SMUG1: variants seen among roughly 807,000 people sequenced by gnomAD.
The protein encoded by SMUG1 is single-strand selective monofunctional uracil DNA glycosylase.
A neutral mutation model predicts 23.9 loss-of-function variants in SMUG1; 13 were observed. That is an observed-to-expected ratio of 0.54 (90% confidence interval 0.35 to 0.86). The LOEUF (loss-of-function observed/expected upper bound fraction) is 0.86. SMUG1 is among the 40% of genes least tolerant of loss of function. The pLI is 0.01. For missense variants in SMUG1, 313 were observed against 339.5 expected, an observed-to-expected ratio of 0.92 and a Z score of 0.61; for synonymous variants, 133 against 139.8, an observed-to-expected ratio of 0.95 and a Z score of 0.34.
At chr12:54,166,577 C>T (rs925725136) in intron 3 of SMUG1, among the ~76,000 whole-genome samples, 2 of 152,130 alleles carry the variant, frequency 1.3e-5, no homozygotes, top group Non-Finnish European at 2.9e-5. Flanking sequence ...TCTAGCCCTC[C>T]GTGTGATGCT....
chr12:54,186,576 A>T (rs968232902), intron 2 of SMUG1, among the ~76,000 whole-genome samples: 2 of 151,772 alleles, frequency 1.3e-5, no homozygotes, highest in African/African-American at 4.9e-5. Flanking sequence ...TCCTGACCTC[A>T]TGATCTGCCT....
chr12:54,179,408 G>C (rs999699274), downstream of SMUG1, among the ~76,000 whole-genome samples: 1 of 152,106 alleles, frequency 6.6e-6, no homozygotes, highest in Non-Finnish European at 1.5e-5. Context: ...CCTCCAGAGA[G>C]CTTTCCATTA....
At chr12:54,159,847 C>A (rs760863446), downstream of SMUG1, among the ~76,000 whole-genome samples, 2 of 152,234 alleles carry the variant, frequency 1.3e-5, no homozygotes, top group Non-Finnish European at 2.9e-5. Flanking sequence ...GAGCATCAGC[C>A]AGGGCGCAGC....
At chr12:54,176,143 T>A (rs964916890), downstream of SMUG1, among the ~76,000 whole-genome samples, 7 of 151,536 alleles carry the variant, frequency 4.6e-5, no homozygotes, top group African/African-American at 1.7e-4. Context: ...GGAGAATCGC[T>A]TGAACCCGGG....
rs1336749817 is a variant in SMUG1 at position 54,181,784 on chromosome 12, C to T, written c.*312G>A. 4.9e-6 allele frequency: 7 copies of T among 1,439,206 alleles called. No homozygotes were observed. The African/African-American group carries it at 7.2e-5, about 15-fold the overall frequency. 89.2% of individuals were successfully genotyped at this position (1,439,206 alleles called of 1,614,324 possible). A position where few individuals can be genotyped will look rare whatever the true frequency, so the allele number is the denominator to read the frequency against. On this transcript the variant is annotated 3_prime_UTR_variant, in exon 4 of 4. Transcript: ENST00000682136. ...GCACTCTCAGCTGAATAAAGTCTCC[C>T]AAGGAAACACTGAGGTAGAGCAGTC...
intron 4 of SMUG1, chr12:54,165,318 A>G (rs1940417666): frequency 6.6e-6 from 1 of 152,146 alleles, no homozygotes; most frequent in Admixed American, 6.5e-5. Context: ...AAATACAACA[A>G]TGTCTTCAGA....
chr12:54,185,386 T>C (rs1942096275), intron 2 of SMUG1, among the ~76,000 whole-genome samples: 1 of 150,704 alleles, frequency 6.6e-6, no homozygotes, highest in Non-Finnish European at 1.5e-5. Flanking sequence ...GAGAACTGCC[T>C]GAACCCGGGA....
At chr12:54,185,169 A>G (rs1354077799) in intron 2 of SMUG1, among the ~76,000 whole-genome samples, 1 of 152,156 alleles carries the variant, frequency 6.6e-6, no homozygotes, top group African/African-American at 2.4e-5. Flanking sequence ...TTAGTCAGGC[A>G]TGGTGGTACG....
At chr12:54,159,422 G>A (rs1479776314) in intron 4 of SMUG1, among the ~76,000 whole-genome samples, 1 of 152,016 alleles carries the variant, frequency 6.6e-6, no homozygotes, top group East Asian at 1.9e-4. Flanking sequence ...GGGCTGTCGG[G>A]GACAACCTGA....
At chr12:54,158,365 C>T (rs1478278987) in intron 4 of SMUG1, among the ~76,000 whole-genome samples, 1 of 152,176 alleles carries the variant, frequency 6.6e-6, no homozygotes, top group Non-Finnish European at 1.5e-5. Flanking sequence ...TGTGCCCAAC[C>T]CTTCCCTACT....
rs1041557623 is a variant in SMUG1 at position 54,172,223 on chromosome 12, G to C, written c.399-114C>G. 3 of 414,892 alleles carry C rather than the reference G, an allele frequency of 7.2e-6. No individual in the cohort carries two copies. In the East Asian group the frequency reaches 2.2e-4, roughly 31 times the overall value. The allele number at this position is 414,892 out of a possible 1,614,324, so 25.7% of individuals were successfully genotyped here. ...AACTTATTAGTTTCTACGTGATGTG[G>C]CTCCCCATCACCTCTTAGATCTCAT... is the stretch of plus-strand genomic sequence containing the variant. On this transcript the variant is annotated intron_variant and NMD_transcript_variant, in intron 2 of 4. Transcript: ENST00000509864.
At chr12:54,185,637 C>T (rs1479559586) in intron 2 of SMUG1, among the ~76,000 whole-genome samples, 7 of 151,662 alleles carry the variant, frequency 4.6e-5, no homozygotes, top group African/African-American at 7.3e-5. Flanking sequence ...ATGGTGAAAC[C>T]CCGTCTCAAC....
chr12:54,171,996 C>A (rs899582717), intron 3 of SMUG1: 3 of 437,612 alleles, frequency 6.9e-6, no homozygotes, highest in Middle Eastern at 3.3e-4. Flanking sequence ...GCTGCCATCT[C>A]CCTGGTCCTG....
At chr12:54,167,050 C>T (rs985869188) in intron 3 of SMUG1, among the ~76,000 whole-genome samples, 1 of 152,154 alleles carries the variant, frequency 6.6e-6, no homozygotes, top group Non-Finnish European at 1.5e-5. Context: ...CCTAGGGCCC[C>T]CGCTCCAAGG....
chr12:54,168,748 A>G lies in SMUG1; in HGVS notation c.*53-3270T>C, dbSNP rs1234768389. On this transcript the variant is annotated intron_variant and NMD_transcript_variant, in intron 3 of 4. Transcript: ENST00000509864. ...GTTGGGGGGAGGGGCTTGAGTTGGG[A>G]ACAGGGGTACATTTGACTGAAGAAT... 3.3e-5 allele frequency among the ~76,000 whole-genome samples: 5 copies of G among 152,230 alleles called. No individual in the cohort carries two copies. The South Asian group carries it at 1.0e-3, about 32-fold the overall frequency.
rs1941141619 is a variant in SMUG1 at position 54,181,854 on chromosome 12, G to A, written c.*242C>T. The A allele has an allele frequency of 1.4e-6, 2 of 1,420,132 alleles. No homozygotes were observed. Among genetic ancestry groups the A allele is most frequent in the South Asian group, 1.6e-5 (1 of 62,004 alleles). The allele number at this position is 1,420,132 out of a possible 1,614,324, so 88.0% of individuals were successfully genotyped here. The stretch of plus-strand genomic sequence containing the variant: ...CTTCTGCAGATTCCCTACAAAGTGG[G>A]GTCCCCTGAAAGGGGCAATGTTAAA... On this transcript the variant is annotated 3_prime_UTR_variant, in exon 4 of 4. Transcript: ENST00000682136.
chr12:54,183,536 T>C, intron 3 of SMUG1, 120 bp downstream of exon 3: 1 of 992,738 alleles, frequency 1.0e-6, no homozygotes, highest in Non-Finnish European at 1.6e-6. Context: ...TGAGACAGAA[T>C]GGGGCGGGAG....
Position 54,181,886 on chromosome 12 carries a change from A to C in SMUG1, c.*210T>G. Reference sequence around the variant, plus strand: ...TGAAAGGGGCAATGTTAAAAGGTAAAGAAAGCAGGAATCAGGAGGGCAAAC... The same window carrying C: ...TGAAAGGGGCAATGTTAAAAGGTAACGAAAGCAGGAATCAGGAGGGCAAAC... On this transcript the variant is annotated 3_prime_UTR_variant, in exon 4 of 4. Transcript: ENST00000682136. 3 of 1,425,752 alleles carry C rather than the reference A, an allele frequency of 2.1e-6. No individual in the cohort carries two copies. Among genetic ancestry groups the C allele is most frequent in the Non-Finnish European group, 2.7e-6 (3 of 1,094,678 alleles). The allele number at this position is 1,425,752 out of a possible 1,614,324, so 88.3% of individuals were successfully genotyped here.
At chr12:54,180,108 A>C (rs548112495), downstream of SMUG1, among the ~76,000 whole-genome samples, 2 of 152,182 alleles carry the variant, frequency 1.3e-5, no homozygotes, top group Non-Finnish European at 2.9e-5. Context: ...CTGGGGATCA[A>C]GCTGGTATCA....
Sources: allele counts gnomAD v4.1 joint callset (sites outside exome capture counted in the v4.1 genomes callset), GRCh38; gene constraint gnomAD v4.1.1; transcripts MANE v1.5; gene names NCBI Gene and HGNC (gene_info 2026-07-23, HGNC 2026-07-21).